The following NRXN3 variants were observed in gnomAD, a reference collection of about 807,000 sequenced individuals.
The protein encoded by NRXN3 is neurexin III.
A neutral mutation model predicts 137.6 loss-of-function variants in NRXN3; 32 were observed. The observed-to-expected ratio is 0.23, with a 90% CI of 0.18 to 0.31. NRXN3 has a LOEUF of 0.31. NRXN3 is among the 10% of genes least tolerant of loss of function. The pLI is 1.00. For synonymous variants in NRXN3, 798 were observed against 784.5 expected, an observed-to-expected ratio of 1.02 and a Z score of -0.29; for missense variants, 1,574 against 2,062.5, an observed-to-expected ratio of 0.76 and a Z score of 4.59.
intron 15 of NRXN3, among the ~76,000 whole-genome samples, chr14:79,191,896 T>G (rs1024419975): frequency 2.4e-4 from 36 of 152,016 alleles, no homozygotes; most frequent in Non-Finnish European, 7.4e-5. Flanking sequence ...TAAGGTGGCT[T>G]CTAAGAAAAT....
At chr14:79,564,522 A>AG (rs1183480477) in intron 16 of NRXN3, among the ~76,000 whole-genome samples, 1 of 152,154 alleles carries the variant, frequency 6.6e-6, no homozygotes, top group Non-Finnish European at 1.5e-5. Context: ...ATTCTAGACA[A>AG]GCTTCATTGT....
chr14:79,563,961 C>T (rs954832664), intron 16 of NRXN3, among the ~76,000 whole-genome samples: 1 of 151,880 alleles, frequency 6.6e-6, no homozygotes, highest in Admixed American at 6.6e-5. Flanking sequence ...CAGAAGAGAA[C>T]CAGCTACTTA....
intron 15 of NRXN3, among the ~76,000 whole-genome samples, chr14:79,301,161 T>C (rs2085072602): frequency 6.6e-6 from 1 of 152,090 alleles, no homozygotes; most frequent in Non-Finnish European, 1.5e-5. Context: ...ACTCTGCTCA[T>C]TCCTTTCCTC....
chr14:78,423,213 TA>T (rs2093522195), intron 4 of NRXN3, among the ~76,000 whole-genome samples: 1 of 152,202 alleles, frequency 6.6e-6, no homozygotes, highest in Non-Finnish European at 1.5e-5. Flanking sequence ...GTCACATTTA[TA>T]CAGAAACCAA....
intron 20 of NRXN3, among the ~76,000 whole-genome samples, chr14:79,805,824 A>C (rs1487913140): frequency 6.6e-6 from 1 of 152,238 alleles, no homozygotes; most frequent in African/African-American, 2.4e-5. Context: ...CCGTGTCAAC[A>C]GCTGTGATGC....
At chr14:79,360,500 G>A (rs905813257) in intron 15 of NRXN3, among the ~76,000 whole-genome samples, 1 of 152,116 alleles carries the variant, frequency 6.6e-6, no homozygotes, top group Admixed American at 6.5e-5. Context: ...CATCTACTAT[G>A]TGCCAATGTT....
chr14:78,938,863 T>TCTTTTTTCTTTTTTTTTTTTTTTTG (rs1402577100), intron 10 of NRXN3, among the ~76,000 whole-genome samples: 1 of 150,002 alleles, frequency 6.7e-6, no homozygotes, highest in African/African-American at 2.5e-5. Context: ...TTTTTTTTTT[T>TCTTTTTTCTTTTTTTTTTTTTTTTG]TGAGATGGAG....
intron 10 of NRXN3, among the ~76,000 whole-genome samples, chr14:78,915,583 T>C (rs373597625): frequency 3.9e-5 from 6 of 152,140 alleles, no homozygotes; most frequent in South Asian, 4.2e-4. Flanking sequence ...ATGGAAAATA[T>C]ATAGAAATAA....
At chr14:78,803,520 A>G (rs2098845770) in intron 8 of NRXN3, 100 bp from the exon 9 acceptor site, 1 of 1,075,578 alleles carries the variant, frequency 9.3e-7, no homozygotes, top group African/African-American at 1.5e-5. Context: ...CTAGGCTACA[A>G]ATCTGGCACC....
intron 15 of NRXN3, among the ~76,000 whole-genome samples, chr14:79,289,418 G>C (rs991013465): frequency 1.3e-5 from 2 of 152,102 alleles, no homozygotes; most frequent in Admixed American, 6.6e-5. Context: ...TCAGGAGTTT[G>C]AGACCAGCCT....
chr14:79,399,854 G>A (rs574291038), intron 15 of NRXN3, among the ~76,000 whole-genome samples: 1 of 152,242 alleles, frequency 6.6e-6, no homozygotes, highest in African/African-American at 2.4e-5. Flanking sequence ...TACCTCTGAA[G>A]GCTCTAGGGG....
In NRXN3 at chr14:79,373,562, C is replaced by G. The variant is rs536653098; in HGVS notation, c.3263-93659C>G. Reference sequence around the variant, plus strand: ...TTTCTATTTACCTACCAAGTTGATTCTTTTGCATCTGGATTTTGCACAATT... The same window carrying G: ...TTTCTATTTACCTACCAAGTTGATTGTTTTGCATCTGGATTTTGCACAATT... On this transcript the variant is annotated intron_variant, in intron 15 of 20. Transcript: ENST00000335750. Among the ~76,000 whole-genome samples, 12 of 152,206 alleles carry G rather than the reference C, an allele frequency of 7.9e-5. No individual in the cohort carries two copies. The South Asian group carries it at 2.1e-3, about 26-fold the overall frequency.
At chr14:79,638,301 G>A (rs1399152222) in intron 16 of NRXN3, among the ~76,000 whole-genome samples, 2 of 152,218 alleles carry the variant, frequency 1.3e-5, no homozygotes, top group African/African-American at 4.8e-5. Flanking sequence ...AGTAAAATTT[G>A]AACTAGGATT....
At chr14:78,576,610 G>A (rs2096938338) in intron 4 of NRXN3, among the ~76,000 whole-genome samples, 1 of 152,022 alleles carries the variant, frequency 6.6e-6, no homozygotes, top group Admixed American at 6.5e-5. Flanking sequence ...CATGTCATTG[G>A]CAGAGGCACG....
intron 4 of NRXN3, among the ~76,000 whole-genome samples, chr14:78,468,850 T>C (rs2095189957): frequency 1.3e-5 from 2 of 152,164 alleles, no homozygotes; most frequent in South Asian, 4.1e-4. Flanking sequence ...TGAGGTGCTC[T>C]GCCAGTCTTT....
At chr14:78,550,585 G>C (rs2152188725) in intron 4 of NRXN3, among the ~76,000 whole-genome samples, 1 of 152,038 alleles carries the variant, frequency 6.6e-6, no homozygotes, top group Non-Finnish European at 1.5e-5. Context: ...CACCAGTTGA[G>C]AATGTATTTT....
At chr14:78,826,359 G>A (rs183859495) in intron 10 of NRXN3, among the ~76,000 whole-genome samples, 1 of 152,296 alleles carries the variant, frequency 6.6e-6, no homozygotes, top group Non-Finnish European at 1.5e-5. Flanking sequence ...GCTAGAGGGA[G>A]GCAGAAAAGT....
chr14:78,230,579 A>C (rs1334198826), intron 1 of NRXN3, among the ~76,000 whole-genome samples: 1 of 152,102 alleles, frequency 6.6e-6, no homozygotes, highest in East Asian at 1.9e-4. Context: ...GAGACACTGG[A>C]GTGTGGGGAC....
chr14:79,681,564 C>A (rs2098670516), intron 17 of NRXN3, among the ~76,000 whole-genome samples: 1 of 152,032 alleles, frequency 6.6e-6, no homozygotes, highest in Non-Finnish European at 1.5e-5. Flanking sequence ...CAAGGGCAAG[C>A]ATTCATACAC....
Sources: allele counts gnomAD v4.1 joint callset (sites outside exome capture counted in the v4.1 genomes callset), GRCh38; gene constraint gnomAD v4.1.1; transcripts MANE v1.5; gene names NCBI Gene and HGNC (gene_info 2026-07-23, HGNC 2026-07-21).